Variants in DENND2B observed in about 807,000 individuals in gnomAD.
DENND2B encodes the protein DENN domain-containing protein 2B.
DENND2B carries 32 observed loss-of-function variants against 116.0 expected under a neutral mutation model. The observed-to-expected ratio is 0.28, with a 90% CI of 0.21 to 0.37. DENND2B has a LOEUF of 0.37. DENND2B is among the 10% of genes least tolerant of loss of function. The pLI, the probability that DENND2B is intolerant of heterozygous loss-of-function variation, is 1.00. For synonymous variants in DENND2B, 588 were observed against 583.9 expected (o/e 1.01, Z -0.10); for missense variants, 1,276 against 1,477.7 (o/e 0.86, Z 2.24).
intron 4 of DENND2B, among the ~76,000 whole-genome samples, chr11:8,824,919 G>A (rs916089237): frequency 4.1e-5 from 6 of 147,114 alleles, no homozygotes; most frequent in African/African-American, 1.5e-4. Context: ...GGCTGGTCTC[G>A]AACTCCTGAC....
intron 4 of DENND2B, among the ~76,000 whole-genome samples, chr11:8,723,740 T>A (rs1738463732): frequency 6.6e-6 from 1 of 152,166 alleles, no homozygotes; most frequent in Non-Finnish European, 1.5e-5. Flanking sequence ...GGCCTATAGG[T>A]ACAAAGCTGT....
intron 1 of DENND2B, among the ~76,000 whole-genome samples, chr11:8,779,160 G>A (rs1014772820): frequency 6.6e-6 from 1 of 152,226 alleles, no homozygotes; most frequent in African/African-American, 2.4e-5. Context: ...ATGGAGTGGT[G>A]GAGGGGACAG....
chr11:8,708,993 G>A (rs1188376624), intron 11 of DENND2B, among the ~76,000 whole-genome samples: 1 of 150,858 alleles, frequency 6.6e-6, no homozygotes, highest in Non-Finnish European at 1.5e-5. Flanking sequence ...GGGGAGACAT[G>A]CACTGAGAGC....
intron 4 of DENND2B, among the ~76,000 whole-genome samples, chr11:8,723,302 G>C (rs946871234): frequency 1.3e-5 from 2 of 152,148 alleles, no homozygotes; most frequent in Non-Finnish European, 2.9e-5. Flanking sequence ...ATACGTTCTT[G>C]GATCATCTGA....
In DENND2B at chr11:8,890,360, T is replaced by G. The variant is rs567959827; in HGVS notation, c.-255-9251A>C. On this transcript the variant is annotated intron_variant, in intron 1 of 22. Transcript: ENST00000534127. Reference sequence around the variant, plus strand: ...ATCTCCCCCTCCAAAGGAACGAAGCTCCTCGCCAGCAACAGAACAAGCTGG... The same window carrying G: ...ATCTCCCCCTCCAAAGGAACGAAGCGCCTCGCCAGCAACAGAACAAGCTGG... Among the ~76,000 whole-genome samples the G allele has an allele frequency of 2.6e-5, 4 of 152,242 alleles. No homozygotes were observed. In the South Asian group the frequency reaches 8.3e-4, roughly 32 times the overall value.
intron 1 of DENND2B, among the ~76,000 whole-genome samples, chr11:8,797,321 T>C (rs1240466345): frequency 6.6e-6 from 1 of 152,150 alleles, no homozygotes; most frequent in Non-Finnish European, 1.5e-5. Context: ...TAAAAATACA[T>C]AGTGCTTGAT....
At chr11:8,764,497 GT>G (rs1211085810) in intron 1 of DENND2B, among the ~76,000 whole-genome samples, 2 of 152,186 alleles carry the variant, frequency 1.3e-5, no homozygotes, top group Non-Finnish European at 2.9e-5. Flanking sequence ...AGGCTGAAAG[GT>G]TAAGTAATTT....
chr11:8,903,514 T>G lies in DENND2B; in HGVS notation c.-256+7307A>C, dbSNP rs1451685027. On this transcript the variant is annotated intron_variant, in intron 1 of 22. Coordinates refer to the DENND2B transcript ENST00000534127. ...AAAAGCAAGAGAGAGAAGGCACAGA[T>G]TACCATAATCAGATCTTAAAGAAAT... is the stretch of plus-strand genomic sequence containing the variant. 3.4e-5 allele frequency among the ~76,000 whole-genome samples: 5 copies of G among 147,448 alleles called. 1 individual carries two copies.
chr11:8,702,546 T>C lies in DENND2B; in HGVS notation c.2720+26A>G, dbSNP rs1205974841. ...TGGGTGTGCCTTCCCCCCTCCCTTC[T>C]GCTTTCTTGCCCGGCTGGGCCCTAC... On this transcript the variant is annotated intron_variant, in intron 14 of 19. Coordinates refer to ENST00000313726, the MANE Select transcript of DENND2B (RefSeq NM_213618.2). This position sits in a 1 kb window ranked among gnomAD's most constrained non-coding sequence, Gnocchi z 4.6. 1.2e-6 allele frequency: 2 copies of C among 1,608,064 alleles called. No homozygotes were observed. Among genetic ancestry groups the C allele is most frequent in the African/African-American group, 2.7e-5 (2 of 74,896 alleles).
intron 4 of DENND2B, among the ~76,000 whole-genome samples, chr11:8,821,935 G>A (rs2061783481): frequency 6.6e-6 from 1 of 152,144 alleles, no homozygotes; most frequent in Admixed American, 6.6e-5. Flanking sequence ...GGGACTACAA[G>A]TGTGCACCAC....
intron 1 of DENND2B, among the ~76,000 whole-genome samples, chr11:8,899,627 G>A (rs1360495135): frequency 6.6e-6 from 1 of 152,216 alleles, no homozygotes; most frequent in East Asian, 1.9e-4. Flanking sequence ...AAATGTGAAG[G>A]TGAAATAAAG....
intron 1 of DENND2B, among the ~76,000 whole-genome samples, chr11:8,769,859 G>T (rs549232199): frequency 1.3e-5 from 2 of 152,148 alleles, no homozygotes; most frequent in Non-Finnish European, 2.9e-5. Flanking sequence ...GGCCAAGTGC[G>T]GTGGCTCATG....
At position 8,754,064 on chromosome 11, in the gene DENND2B, A is replaced by C. The variant is rs561983143; in HGVS notation, c.-25-3339T>G. Among the ~76,000 whole-genome samples the C allele has an allele frequency of 8.7e-3, 673 of 77,590 alleles. 5 individuals carry two copies. Among genetic ancestry groups the C allele is most frequent in the African/African-American group, 0.031 (563 of 18,026 alleles). The allele number at this position is 77,590 out of a possible 152,430, so 50.9% of individuals were successfully genotyped here. A position where few individuals can be genotyped will look rare whatever the true frequency, so the allele number is the denominator to read the frequency against. On this transcript the variant is annotated intron_variant, in intron 1 of 19. Transcript: ENST00000313726. The stretch of plus-strand genomic sequence containing the variant: ...ACACACACACACACACACACACACA[A>C]AGGACATGAATTGTACTATGTCAAA...
In DENND2B at chr11:8,810,652, G is replaced by T. The variant is rs1050274846; in HGVS notation, c.-161C>A. On this transcript the variant is annotated 5_prime_UTR_variant, in exon 1 of 20. Transcript: ENST00000313726. ...CCACAGCTCCTTCCTCTGACCTTTC[G>T]TGGCGCTCCTCGCAGCCAAGTGAGC... The T allele has an allele frequency of 6.6e-6, 1 of 152,284 alleles. No individual in the cohort carries two copies. The highest frequency in any genetic ancestry group is 2.4e-5 in the African/African-American group (1 of 41,462). 9.4% of individuals were successfully genotyped at this position (152,284 alleles called of 1,614,324 possible). A position where few individuals can be genotyped will look rare whatever the true frequency, so the allele number is the denominator to read the frequency against.
chr11:8,878,936 G>A (rs1246592587), intron 2 of DENND2B, among the ~76,000 whole-genome samples: 2 of 152,086 alleles, frequency 1.3e-5, no homozygotes, highest in African/African-American at 4.8e-5. Context: ...CCTTGAGAGT[G>A]GTGAAAATGT....
At chr11:8,777,750 T>G (rs1329523125) in intron 1 of DENND2B, among the ~76,000 whole-genome samples, 23 of 152,182 alleles carry the variant, frequency 1.5e-4, no homozygotes, top group Admixed American at 1.5e-3. Context: ...GGGAATATAA[T>G]GTTCAACCCA....
chr11:8,775,525 T>G (rs745827043), intron 1 of DENND2B, among the ~76,000 whole-genome samples: 1 of 152,010 alleles, frequency 6.6e-6, no homozygotes, highest in Non-Finnish European at 1.5e-5. Context: ...ACCTTCCAGA[T>G]GGCTGGGGTG....
At chr11:8,872,663 A>G (rs2063801336), upstream of DENND2B, among the ~76,000 whole-genome samples, 2 of 152,132 alleles carry the variant, frequency 1.3e-5, no homozygotes, top group South Asian at 4.1e-4. Flanking sequence ...ACTGAGGCCA[A>G]AGGACAGTTT....
At chr11:8,857,764 G>T (rs1029671628) in intron 2 of DENND2B, among the ~76,000 whole-genome samples, 1 of 152,192 alleles carries the variant, frequency 6.6e-6, no homozygotes, top group South Asian at 2.1e-4. Flanking sequence ...GCCAGACGTG[G>T]TTCTGACATC....
Sources: allele counts gnomAD v4.1 joint callset (sites outside exome capture counted in the v4.1 genomes callset), GRCh38; gene constraint gnomAD v4.1.1; non-coding constraint Gnocchi (gnomAD v3.1); transcripts MANE v1.5; gene names NCBI Gene and HGNC (gene_info 2026-07-23, HGNC 2026-07-21).